The following TUSC3 variants were observed in gnomAD, a reference collection of about 807,000 sequenced individuals.
TUSC3 encodes the protein dolichyl-diphosphooligosaccharide--protein glycosyltransferase subunit TUSC3.
A neutral mutation model predicts 44.8 loss-of-function variants in TUSC3; 45 were observed. That is an observed-to-expected ratio of 1.00 (90% CI 0.79 to 1.29). TUSC3 has a LOEUF of 1.29. Among genes scored for constraint, TUSC3 ranks in the 50% most tolerant of loss-of-function variants. The probability of loss-of-function intolerance (pLI) is 0.00; values close to 1 mark genes in which losing one functional copy is unlikely to be tolerated. For synonymous variants in TUSC3, 212 were observed against 152.9 expected (o/e 1.39, Z -2.85); for missense variants, 519 against 437.9 (o/e 1.19, Z -1.65).
the TUSC3 span, among the ~76,000 whole-genome samples, chr8:15,816,778 A>G: frequency 6.6e-6 from 1 of 152,226 alleles, no homozygotes; most frequent in Non-Finnish European, 1.5e-5. Context: ...CACCTAGCAC[A>G]TAATTCAACG....
At chr8:15,811,913 G>GAA in the TUSC3 span, among the ~76,000 whole-genome samples, 5 of 150,058 alleles carry the variant, frequency 3.3e-5, no homozygotes, top group African/African-American at 4.9e-5. Context: ...AAATAGAAAA[G>GAA]AAAAAAAAAC....
intron 6 of TUSC3, among the ~76,000 whole-genome samples, chr8:15,693,942 C>A (rs190813745): frequency 7.6e-4 from 116 of 152,026 alleles, no homozygotes; most frequent in African/African-American, 2.3e-3. Flanking sequence ...TTGATACTTG[C>A]GATTGTATTC....
intron 1 of TUSC3, among the ~76,000 whole-genome samples, chr8:15,440,897 T>C (rs553351550): frequency 6.6e-6 from 1 of 152,262 alleles, no homozygotes; most frequent in East Asian, 1.9e-4. Context: ...TGAGGATAAC[T>C]CTAACAAAGA....
intron 8 of TUSC3, 30 bp downstream of exon 8, chr8:15,743,642 T>A: frequency 6.2e-7 from 1 of 1,611,122 alleles, no homozygotes; most frequent in East Asian, 2.2e-5. Flanking sequence ...TTTTTGTAAT[T>A]TCGTTTTAGT....
the TUSC3 span, chr8:15,807,153 A>G: frequency 1.1e-4 from 98 of 883,254 alleles, no homozygotes; most frequent in East Asian, 2.2e-3. Flanking sequence ...TGGCAAAGCA[A>G]TCACAGCCGT....
chr8:15,843,828 T>A, the TUSC3 span, among the ~76,000 whole-genome samples: 1 of 151,988 alleles, frequency 6.6e-6, no homozygotes. Flanking sequence ...TCCTTGAATA[T>A]CTCATGTGTC....
chr8:15,689,177 A>C (rs1236274955), intron 6 of TUSC3: 3 of 378,924 alleles, frequency 7.9e-6, no homozygotes, highest in Non-Finnish European at 1.6e-5. Flanking sequence ...CTTGCTTCGG[A>C]GAATAAGCAG....
At chr8:15,747,069 T>G (rs1040986419) in intron 8 of TUSC3, among the ~76,000 whole-genome samples, 13 of 152,076 alleles carry the variant, frequency 8.5e-5, no homozygotes, top group African/African-American at 1.9e-4. Context: ...GTTTCACAAT[T>G]CATATTCAAA....
chr8:15,523,664 A>ATG (rs869090876), intron 2 of TUSC3, among the ~76,000 whole-genome samples: 21 of 42,500 alleles, frequency 4.9e-4, no homozygotes, highest in African/African-American at 1.5e-3. Flanking sequence ...ATATATATAT[A>ATG]TGTGTGTGTG....
chr8:15,750,146 AT>A (rs1811632058), intron 9 of TUSC3, among the ~76,000 whole-genome samples: 1 of 151,314 alleles, frequency 6.6e-6, no homozygotes, highest in Non-Finnish European at 1.5e-5. Context: ...TGCCTGGCTA[AT>A]TTTTTGTATT....
chr8:15,508,537 G>C (rs565662627), intron 2 of TUSC3, among the ~76,000 whole-genome samples: 10 of 128,332 alleles, frequency 7.8e-5, no homozygotes, highest in African/African-American at 1.2e-4. Context: ...TCTCGGCTCA[G>C]TGCAAGCTCC....
chr8:15,779,481 G>C, the TUSC3 span, among the ~76,000 whole-genome samples: 1 of 150,590 alleles, frequency 6.6e-6, no homozygotes, highest in Non-Finnish European at 1.5e-5. Context: ...AAGGAGTATT[G>C]ACACCACTGT....
chr8:15,763,491 T>A (rs2129225467), intron 10 of TUSC3, among the ~76,000 whole-genome samples: 1 of 152,126 alleles, frequency 6.6e-6, no homozygotes, highest in South Asian at 2.1e-4. Context: ...CTGGTTGCCT[T>A]GCAAAGTTGT....
rs947809734 is a variant in TUSC3, at chr8:15,582,452, G to T, written c.139-40628G>T. 9.9e-5 allele frequency among the ~76,000 whole-genome samples: 15 copies of T among 152,214 alleles called. No homozygotes were observed. The East Asian group carries it at 2.3e-3, about 24-fold the overall frequency. On this transcript the variant is annotated intron_variant, in intron 1 of 10. Coordinates refer to ENST00000503731, the MANE Select transcript of TUSC3 (RefSeq NM_006765.4). Reference sequence around the variant, plus strand: ...TACGTACCTTCATGCTATAATGAAGGACATTTTGACCACTTTGAATATCAA... The same window carrying T: ...TACGTACCTTCATGCTATAATGAAGTACATTTTGACCACTTTGAATATCAA...
intron 2 of TUSC3, among the ~76,000 whole-genome samples, chr8:15,497,196 G>C (rs1391629170): frequency 6.6e-6 from 1 of 152,116 alleles, no homozygotes; most frequent in Non-Finnish European, 1.5e-5. Context: ...GTTTAAGTTT[G>C]AGCAGGGACT....
At chr8:15,807,809 C>T in the TUSC3 span, among the ~76,000 whole-genome samples, 2 of 152,112 alleles carry the variant, frequency 1.3e-5, no homozygotes, top group Non-Finnish European at 1.5e-5. Context: ...GGGAGCTAAA[C>T]ATTGAGAACT....
At chr8:15,457,952 C>G (rs1307409920) in intron 1 of TUSC3, among the ~76,000 whole-genome samples, 1 of 150,830 alleles carries the variant, frequency 6.6e-6, no homozygotes. Context: ...AATCTTAATA[C>G]AATATTGAAT....
At chr8:15,425,997 C>T (rs1042542032) in intron 1 of TUSC3, among the ~76,000 whole-genome samples, 2 of 152,110 alleles carry the variant, frequency 1.3e-5, no homozygotes, top group Admixed American at 6.5e-5. Flanking sequence ...GCCTGGACAA[C>T]AGATTGAGGC....
intron 6 of TUSC3, among the ~76,000 whole-genome samples, chr8:15,705,171 C>T (rs1809566896): frequency 6.6e-6 from 1 of 151,442 alleles, no homozygotes; most frequent in Non-Finnish European, 1.5e-5. Flanking sequence ...CCATAGTTAC[C>T]AAAACAATTA....
Sources: allele counts gnomAD v4.1 joint callset (sites outside exome capture counted in the v4.1 genomes callset), GRCh38; gene constraint gnomAD v4.1.1; transcripts MANE v1.5; gene names NCBI Gene and HGNC (gene_info 2026-07-23, HGNC 2026-07-21).